The following VEPH1 variants were observed in gnomAD, a reference collection of about 807,000 sequenced individuals.
VEPH1 encodes ventricular zone expressed PH domain containing 1, also known as ventricular zone-expressed PH domain-containing protein homolog 1.
VEPH1 carries 80 observed loss-of-function variants against 85.2 expected under a neutral mutation model. The observed-to-expected ratio is 0.94, with a 90% CI of 0.78 to 1.13. VEPH1 has a LOEUF of 1.13. VEPH1 is among the 50% of genes most tolerant of loss of function. The pLI is 0.00. For synonymous variants in VEPH1, 297 were observed against 348.0 expected, an observed-to-expected ratio of 0.85 and a Z score of 1.63; for missense variants, 955 against 980.5, an observed-to-expected ratio of 0.97 and a Z score of 0.35.
At chr3:157,382,215 A>G (rs993002030) in intron 6 of VEPH1, among the ~76,000 whole-genome samples, 11 of 152,228 alleles carry the variant, frequency 7.2e-5, no homozygotes, top group African/African-American at 2.7e-4. Context: ...TGAGTAGATT[A>G]TATTATCTAG....
At chr3:157,434,404 C>T (rs1229835018) in intron 4 of VEPH1, among the ~76,000 whole-genome samples, 2 of 152,090 alleles carry the variant, frequency 1.3e-5, no homozygotes, top group Non-Finnish European at 2.9e-5. Flanking sequence ...CTCCACTTCC[C>T]AGGCTCAAGT....
chr3:157,383,133 A>G (rs1201633854), intron 6 of VEPH1, among the ~76,000 whole-genome samples: 1 of 152,112 alleles, frequency 6.6e-6, no homozygotes, highest in East Asian at 1.9e-4. Context: ...CCAGCCAAAA[A>G]TCTTTTTAGT....
chr3:157,338,546 A>G (rs1262859789), intron 9 of VEPH1, among the ~76,000 whole-genome samples: 1 of 152,188 alleles, frequency 6.6e-6, no homozygotes, highest in African/African-American at 2.4e-5. Context: ...GTTTTCTTCA[A>G]TGTATCAAAT....
intron 7 of VEPH1, among the ~76,000 whole-genome samples, chr3:157,373,064 C>T (rs901804250): frequency 6.6e-6 from 1 of 152,196 alleles, no homozygotes; most frequent in Non-Finnish European, 1.5e-5. Flanking sequence ...AAATCTGGTA[C>T]ATGAATTGCT....
intron 4 of VEPH1, among the ~76,000 whole-genome samples, chr3:157,454,450 AT>A (rs1445613032): frequency 2.6e-5 from 4 of 152,202 alleles, no homozygotes; most frequent in African/African-American, 9.6e-5. Flanking sequence ...GTCTGGTACA[AT>A]GAGCTTAAGT....
In VEPH1 at chr3:157,317,190, T is replaced by C; in HGVS notation, c.1747A>G (p.Ser583Gly). The change falls in exon 10 of 14, where the codon AGT becomes GGT. Residue 583 changes from serine to glycine, a missense_variant. By Grantham distance (56) the Ser-to-Gly change is moderately conservative. Transcript: ENST00000362010. ...GTGAAGAACAACTTTGCTACACAACTTCTCACAGTGTCTAGAAACAAATAC... is the reference window on the plus strand; with the variant it reads ...GTGAAGAACAACTTTGCTACACAACCTCTCACAGTGTCTAGAAACAAATAC... ...DQCTIEDTVR[S>G]CVAKLFFTCS... is the part of the protein sequence containing the mutation. The C allele has an allele frequency of 6.2e-7, 1 of 1,611,428 alleles. No homozygotes were observed. The highest frequency in any genetic ancestry group is 8.5e-7 in the Non-Finnish European group (1 of 1,178,834).
intron 6 of VEPH1, among the ~76,000 whole-genome samples, chr3:157,396,281 T>A (rs1730373709): frequency 1.3e-5 from 2 of 152,232 alleles, no homozygotes. Flanking sequence ...CATTCCTTTT[T>A]ATGGCTGAAT....
chr3:157,427,393 C>T (rs1371002258), intron 5 of VEPH1, among the ~76,000 whole-genome samples: 2 of 152,204 alleles, frequency 1.3e-5, no homozygotes, highest in Non-Finnish European at 2.9e-5. Flanking sequence ...GCTGGCATTA[C>T]AGGCGTGAGC....
chr3:157,419,840 A>C (rs550372183), intron 5 of VEPH1, among the ~76,000 whole-genome samples: 28 of 152,354 alleles, frequency 1.8e-4, no homozygotes, highest in Admixed American at 5.2e-4. Flanking sequence ...CCAAAGGAAT[A>C]TAAATCATTC....
At chr3:157,436,935 T>C (rs1275763745) in intron 4 of VEPH1, 5 of 1,613,414 alleles carry the variant, frequency 3.1e-6, no homozygotes, top group Non-Finnish European at 4.2e-6. Flanking sequence ...TCTCCAGCAA[T>C]GCATCTCCTT....
chr3:157,493,823 TG>T (rs774253949), intron 2 of VEPH1, among the ~76,000 whole-genome samples: 2 of 152,222 alleles, frequency 1.3e-5, no homozygotes, highest in Admixed American at 6.5e-5. Flanking sequence ...TGGCCACTAG[TG>T]ACCTCTAGTG....
At chr3:157,478,672 G>A (rs751879844) in intron 2 of VEPH1, among the ~76,000 whole-genome samples, 6 of 142,402 alleles carry the variant, frequency 4.2e-5, no homozygotes, top group Non-Finnish European at 7.9e-5. Flanking sequence ...GTACAGGATC[G>A]TGTCAGTGAC....
At chr3:157,501,484 G>A (rs955047941) in intron 1 of VEPH1, among the ~76,000 whole-genome samples, 3 of 152,168 alleles carry the variant, frequency 2.0e-5, no homozygotes, top group Non-Finnish European at 4.4e-5. Flanking sequence ...TAGTGAGAAA[G>A]GAGTGGCCCT....
At position 157,363,513 on chromosome 3, in the gene VEPH1, G is replaced by T. The variant is rs184952229; in HGVS notation, c.1586C>A (p.Ser529Tyr). 9 of 1,614,042 alleles carry T rather than the reference G, an allele frequency of 5.6e-6. No homozygotes were observed. The African/African-American group carries it at 1.1e-4, about 19-fold the overall frequency. ...AGTTGTCTCTGGAGTTTCTTCCTGG[G>T]AGTTTTCTTTAACAGTTTCTGACAA... Reference protein sequence around the residue: ...ENLSETVKENSQEETPETTAS... With the variant: ...ENLSETVKENYQEETPETTAS... Residue 529 changes from serine (S) to tyrosine (Y), a missense_variant, in exon 9 of 14, where the codon TCC (serine) becomes TAC (tyrosine). Transcript: ENST00000362010.
chr3:157,463,397 A>C (rs1736060707), intron 3 of VEPH1, among the ~76,000 whole-genome samples: 1 of 152,204 alleles, frequency 6.6e-6, no homozygotes, highest in Non-Finnish European at 1.5e-5. Context: ...TCCTCTCAGT[A>C]GGTCTCTGGC....
intron 12 of VEPH1, among the ~76,000 whole-genome samples, chr3:157,279,937 A>G (rs907573634): frequency 8.2e-5 from 12 of 146,448 alleles, no homozygotes; most frequent in African/African-American, 3.0e-4. Flanking sequence ...AATCGCTTGA[A>G]CCCGGGAGGT....
intron 6 of VEPH1, chr3:157,413,598 G>C (rs116497476): frequency 4.8e-5 from 47 of 985,274 alleles, no homozygotes; most frequent in Middle Eastern, 5.2e-4. Flanking sequence ...AGCAATAAAA[G>C]ACTCACTTCC....
intron 7 of VEPH1, among the ~76,000 whole-genome samples, chr3:157,373,740 G>T (rs1426743308): frequency 6.6e-6 from 1 of 152,142 alleles, no homozygotes. Flanking sequence ...GAAATGGGAA[G>T]CCAGCGCATG....
At chr3:157,351,122 C>T (rs1048040134) in intron 9 of VEPH1, among the ~76,000 whole-genome samples, 9 of 151,974 alleles carry the variant, frequency 5.9e-5, no homozygotes, top group African/African-American at 2.2e-4. Flanking sequence ...CAACCCGGGT[C>T]CCCCAAAACA....
Sources: gnomAD v4.1 joint callset for allele counts (sites outside exome capture counted in the v4.1 genomes callset) on GRCh38, gnomAD v4.1.1 for gene constraint, MANE v1.5 for transcripts, NCBI Gene and HGNC (gene_info 2026-07-23, HGNC 2026-07-21) for gene names.